ALMS1: variants seen among roughly 807,000 people sequenced by gnomAD.
ALMS1 encodes centrosome-associated protein ALMS1.
A neutral mutation model predicts 352.2 loss-of-function variants in ALMS1; 271 were observed. The observed-to-expected ratio is 0.77, with a 90% CI of 0.70 to 0.85. The LOEUF is 0.85. Ranked by LOEUF, ALMS1 falls within the 40% of genes least tolerant of loss-of-function variation. The probability of loss-of-function intolerance (pLI) is 0.00; values close to 1 mark genes in which losing one functional copy is unlikely to be tolerated. For missense variants in ALMS1, 5,445 were observed against 4,870.7 expected (o/e 1.12, Z -3.51); for synonymous variants, 1,865 against 1,761.2 (o/e 1.06, Z -1.48).
At chr2:73,406,121 T>C (rs1452785029) in intron 1 of ALMS1, among the ~76,000 whole-genome samples, 1 of 152,196 alleles carries the variant, frequency 6.6e-6, no homozygotes, top group Non-Finnish European at 1.5e-5. Flanking sequence ...TTGAAGTCTC[T>C]CACTGTTTTT....
rs553239520 is a variant in ALMS1 at position 73,442,080 on chromosome 2, G to A, written c.1433-5880G>A. Among the ~76,000 whole-genome samples the A allele has an allele frequency of 1.3e-3, 203 of 152,108 alleles. 1 individual carries two copies. The highest frequency in any genetic ancestry group is 4.7e-3 in the African/African-American group (194 of 41,492). ...CTATTAATAATAGCTGACATTTATT[G>A]CTTGTTCACATTGCTAAGCATTTTA... On this transcript the variant is annotated intron_variant, in intron 7 of 22. Coordinates refer to ENST00000613296, the MANE Select transcript of ALMS1 (RefSeq NM_001378454.1).
chr2:73,468,584 T>C (rs1672406433), intron 9 of ALMS1, among the ~76,000 whole-genome samples: 1 of 151,962 alleles, frequency 6.6e-6, no homozygotes, highest in African/African-American at 2.4e-5. Context: ...CCATTTTCCT[T>C]TTTGTCTCAT....
At chr2:73,506,773 C>A (rs1049476132) in intron 10 of ALMS1, among the ~76,000 whole-genome samples, 1 of 152,174 alleles carries the variant, frequency 6.6e-6, no homozygotes, top group Non-Finnish European at 1.5e-5. Flanking sequence ...CCCTTTATTT[C>A]TTTCCCTTGC....
At chr2:73,583,286 C>T (rs951084177) in intron 16 of ALMS1, among the ~76,000 whole-genome samples, 4 of 151,796 alleles carry the variant, frequency 2.6e-5, no homozygotes, top group South Asian at 2.1e-4. Flanking sequence ...CATTGACCTC[C>T]GAAAGTGCTG....
intron 9 of ALMS1, among the ~76,000 whole-genome samples, chr2:73,461,098 C>T (rs1006750763): frequency 2.0e-5 from 3 of 152,226 alleles, no homozygotes; most frequent in African/African-American, 7.2e-5. Flanking sequence ...TAGTGGTTCT[C>T]CCAGCACGCA....
chr2:73,482,273 A>C (rs1672725187), intron 9 of ALMS1, among the ~76,000 whole-genome samples: 1 of 152,184 alleles, frequency 6.6e-6, no homozygotes. Context: ...ATCTATTGAG[A>C]GTTTTTAGCA....
intron 15 of ALMS1, among the ~76,000 whole-genome samples, chr2:73,563,607 C>T (rs1674711285): frequency 6.6e-6 from 1 of 151,450 alleles, no homozygotes; most frequent in Non-Finnish European, 1.5e-5. Flanking sequence ...CCTGTAGTCC[C>T]AGCTACTCAG....
At position 73,521,682 on chromosome 2, in the gene ALMS1, G is replaced by A. The variant is rs907105009; in HGVS notation, c.9781+1666G>A. Among the ~76,000 whole-genome samples, 53 of 151,482 alleles carry A rather than the reference G, an allele frequency of 3.5e-4. 1 individual carries two copies. Among genetic ancestry groups the A allele is most frequent in the Non-Finnish European group, 5.5e-4 (37 of 67,872 alleles). On this transcript the variant is annotated intron_variant, in intron 11 of 22. Coordinates refer to ENST00000613296, the MANE Select transcript of ALMS1 (RefSeq NM_001378454.1). ...GGAGGATGGCATGAACCCAGGAGGC[G>A]GAGCTTGCAGTGAGCCGAGATCGTG...
At chr2:73,563,303 C>T (rs1674705085) in intron 15 of ALMS1, among the ~76,000 whole-genome samples, 1 of 152,116 alleles carries the variant, frequency 6.6e-6, no homozygotes, top group Admixed American at 6.5e-5. Context: ...TATTTTTATA[C>T]TGATTTGCAA....
intron 9 of ALMS1, among the ~76,000 whole-genome samples, chr2:73,463,309 G>A (rs989759481): frequency 1.3e-4 from 20 of 152,194 alleles, no homozygotes; most frequent in African/African-American, 3.1e-4. Flanking sequence ...ACTCAAAACC[G>A]CTCAACTACC....
chr2:73,537,421 T>C (rs1000802920), intron 12 of ALMS1, among the ~76,000 whole-genome samples: 3 of 152,126 alleles, frequency 2.0e-5, no homozygotes, highest in African/African-American at 7.2e-5. Flanking sequence ...AAGGGAAGGC[T>C]AAGGTAAAGT....
chr2:73,561,110 G>A (rs1034729629), intron 15 of ALMS1, among the ~76,000 whole-genome samples: 6 of 152,194 alleles, frequency 3.9e-5, no homozygotes, highest in African/African-American at 7.2e-5. Flanking sequence ...GCACATAACC[G>A]TTGCTATGCA....
intron 12 of ALMS1, among the ~76,000 whole-genome samples, chr2:73,542,249 C>T (rs909602283): frequency 5.9e-5 from 9 of 152,250 alleles, no homozygotes; most frequent in Admixed American, 3.3e-4. Flanking sequence ...AGCATATAAA[C>T]GGAACCAAAG....
At chr2:73,575,727 CTT>C (rs1019210693) in intron 16 of ALMS1, among the ~76,000 whole-genome samples, 5 of 152,050 alleles carry the variant, frequency 3.3e-5, no homozygotes, top group African/African-American at 4.8e-5. Flanking sequence ...ATATTGATCT[CTT>C]GTTAGATACA....
In ALMS1 at chr2:73,491,486, T is replaced by C; in HGVS notation, c.9527T>C (p.Val3176Ala). 1 of 1,613,964 alleles carries C rather than the reference T, an allele frequency of 6.2e-7. No individual in the cohort carries two copies. Among genetic ancestry groups the C allele is most frequent in the Non-Finnish European group, 8.5e-7 (1 of 1,179,992 alleles). ...CATTCCAATCCAGAGGGGACCCCAGTATTTGCAGATCGGTGAGTCTCATTG... is the reference window on the plus strand; with the variant it reads ...CATTCCAATCCAGAGGGGACCCCAGCATTTGCAGATCGGTGAGTCTCATTG... ...EGHSNPEGTP[V>A]FADRLPEKMK... is the part of the protein sequence containing the mutation. Residue 3176 changes from valine to alanine, a missense_variant, in exon 10 of 23, where the codon GTA becomes GCA. Coordinates refer to ENST00000613296, the MANE Select transcript of ALMS1 (RefSeq NM_001378454.1).
chr2:73,472,111 G>T (rs761140750), intron 9 of ALMS1, among the ~76,000 whole-genome samples: 8 of 152,010 alleles, frequency 5.3e-5, no homozygotes, highest in Admixed American at 1.3e-4. Context: ...AATACTGAAT[G>T]ATTTCACTTA....
chr2:73,426,366 T>C (rs980406185), intron 5 of ALMS1, 87 bp from the exon 6 acceptor site: 7 of 1,325,568 alleles, frequency 5.3e-6, no homozygotes, highest in Middle Eastern at 1.8e-4. Context: ...AAAGCTGATA[T>C]AGGCCAAGGT....
At position 73,490,291 on chromosome 2, in the gene ALMS1, A is replaced by G. The variant is rs1267151156; in HGVS notation, c.8332A>G (p.Ser2778Gly). ...TSSPSSFKMHSNSQDKEVTIL... is the reference protein window; with the variant it reads ...TSSPSSFKMHGNSQDKEVTIL... The stretch of plus-strand genomic sequence containing the variant: ...TTCCCCTTCATCATTTAAAATGCAT[A>G]GTAATTCACAAGATAAAGAAGTGAC... Residue 2778 changes from serine to glycine, a missense_variant, in exon 10 of 23, where the codon AGT becomes GGT. Transcript: ENST00000613296. 5.0e-6 allele frequency: 8 copies of G among 1,613,176 alleles called. No homozygotes were observed. The highest frequency in any genetic ancestry group is 6.8e-6 in the Non-Finnish European group (8 of 1,179,676).
chr2:73,433,129 A>G (rs1252083145), intron 7 of ALMS1, among the ~76,000 whole-genome samples: 1 of 152,208 alleles, frequency 6.6e-6, no homozygotes, highest in Non-Finnish European at 1.5e-5. Context: ...GGAGCTGACC[A>G]AGGGAAAGTA....
Sources: gnomAD v4.1 joint callset for allele counts (sites outside exome capture counted in the v4.1 genomes callset) on GRCh38, gnomAD v4.1.1 for gene constraint, MANE v1.5 for transcripts, NCBI Gene and HGNC (gene_info 2026-07-23, HGNC 2026-07-21) for gene names.